WASHC4: variants seen among roughly 807,000 people sequenced by gnomAD.
WASHC4 encodes the protein WASH complex subunit 4.
Under a neutral mutation model 166.6 loss-of-function variants are expected in WASHC4, and 86 were observed. The ratio of observed to expected loss-of-function variants is 0.52; its 90% CI spans 0.43 to 0.62. The LOEUF is 0.62. Ranked by LOEUF, WASHC4 falls within the 20% of genes least tolerant of loss-of-function variation. The pLI is 0.00. For synonymous variants in WASHC4, 446 were observed against 451.6 expected, an observed-to-expected ratio of 0.99 and a Z score of 0.16; for missense variants, 1,262 against 1,382.4, an observed-to-expected ratio of 0.91 and a Z score of 1.38.
rs1882790707 is a variant in WASHC4, at chr12:105,140,954, C to A, written c.1616C>A (p.Ala539Asp). Residue 539 changes from alanine (A) to aspartate (D), a missense_variant, in exon 17 of 33, where the codon GCT becomes GAT. Ala to Asp is a moderately radical substitution (Grantham distance 126). Coordinates refer to ENST00000332180, the MANE Select transcript of WASHC4 (RefSeq NM_015275.3). Reference sequence around the variant, plus strand: ...GAACAGCGTCTTGATGTGCTCTCTGCTCTAGTTTTGGCTGAAAACACTCTA... The same window carrying A: ...GAACAGCGTCTTGATGTGCTCTCTGATCTAGTTTTGGCTGAAAACACTCTA... ...YSEQRLDVLS[A>D]LVLAENTLNG... is the part of the protein sequence containing the mutation. 3 of 1,614,080 alleles carry A rather than the reference C, an allele frequency of 1.9e-6. No homozygotes were observed. The highest frequency in any genetic ancestry group is 1.7e-6 in the Non-Finnish European group (2 of 1,179,970).
chr12:105,133,851 T>A lies in WASHC4; in HGVS notation c.1281T>A (p.Asp427Glu). ...ESILSKEQRM[D>E]KFAEDLTNRC... Reference sequence around the variant, plus strand: ...TTTTGTCTAAAGAGCAGAGAATGGATAAATTTGCTGAAGATCTCACCAATA... The same window carrying A: ...TTTTGTCTAAAGAGCAGAGAATGGAAAAATTTGCTGAAGATCTCACCAATA... Residue 427 changes from aspartate to glutamate, a missense_variant, in exon 14 of 33, where the codon GAT becomes GAA. Transcript: ENST00000332180. 1 of 1,612,022 alleles carries A rather than the reference T, an allele frequency of 6.2e-7. No individual in the cohort carries two copies. The highest frequency in any genetic ancestry group is 1.1e-5 in the South Asian group (1 of 91,044).
intron 28 of WASHC4, among the ~76,000 whole-genome samples, chr12:105,158,570 G>T (rs1021580858): frequency 5.9e-5 from 9 of 152,238 alleles, no homozygotes; most frequent in Admixed American, 5.2e-4. Context: ...TCTAGATTAG[G>T]AGAATAAAGA....
At chr12:105,163,986 G>C (rs1592925278) in intron 30 of WASHC4, 125 bp from the exon 31 acceptor site, 1 of 857,030 alleles carries the variant, frequency 1.2e-6, no homozygotes, top group Middle Eastern at 3.1e-4. Context: ...AACTTGAAAC[G>C]GGACAAACTT....
At chr12:105,152,279 A>T in intron 25 of WASHC4, 64 bp from the exon 26 acceptor site, 1 of 819,232 alleles carries the variant, frequency 1.2e-6, no homozygotes, top group Non-Finnish European at 2.2e-6. Flanking sequence ...GGCATGGTTT[A>T]TTTGGGAGGC....
chr12:105,120,686 A>G, intron 8 of WASHC4, 89 bp downstream of exon 8: 2 of 910,750 alleles, frequency 2.2e-6, no homozygotes, highest in Non-Finnish European at 3.7e-6. Context: ...TGACAGTCAT[A>G]GGAACACTCT....
chr12:105,164,437 A>G, intron 31 of WASHC4, 130 bp downstream of exon 31: 1 of 909,432 alleles, frequency 1.1e-6, no homozygotes, highest in Non-Finnish European at 1.7e-6. Context: ...TGGCAAAAAG[A>G]TTATATTTTA....
At position 105,142,052 on chromosome 12, in the gene WASHC4, T is replaced by TAAGA. The variant is rs1166308537; in HGVS notation, c.1788-400_1788-399insAGAA. 2.0e-5 allele frequency among the ~76,000 whole-genome samples: 3 copies of TAAGA among 151,418 alleles called. No individual in the cohort carries two copies. In the East Asian group the frequency reaches 5.8e-4, roughly 29 times the overall value. On this transcript the variant is annotated intron_variant, in intron 18 of 32. Coordinates refer to ENST00000332180, the MANE Select transcript of WASHC4 (RefSeq NM_015275.3). ...TTTTAAAAGATTTTTCTTTCCAACT[T>TAAGA]AGAGTCAGGGAAAATGGAGCATGTG...
intron 13 of WASHC4, among the ~76,000 whole-genome samples, chr12:105,131,177 C>T (rs1318097313): frequency 6.6e-6 from 1 of 150,770 alleles, no homozygotes; most frequent in East Asian, 1.9e-4. Context: ...AGCTCCGCTT[C>T]CCGGGTTCAC....
chr12:105,165,546 C>G (rs981074334), intron 32 of WASHC4, among the ~76,000 whole-genome samples: 4 of 152,008 alleles, frequency 2.6e-5, no homozygotes, highest in African/African-American at 7.2e-5. Flanking sequence ...TACTAGTCTC[C>G]TTTTTGTCTT....
At chr12:105,132,294 C>G (rs1881904624) in intron 13 of WASHC4, among the ~76,000 whole-genome samples, 2 of 152,188 alleles carry the variant, frequency 1.3e-5, no homozygotes, top group African/African-American at 2.4e-5. Context: ...GCCTCAGCCT[C>G]CGGAGTAGCT....
chr12:105,140,959 G>C lies in WASHC4; in HGVS notation c.1621G>C (p.Val541Leu), dbSNP rs770143665. 26 of 1,614,024 alleles carry C rather than the reference G, an allele frequency of 1.6e-5. No homozygotes were observed. Among genetic ancestry groups the C allele is most frequent in the Non-Finnish European group, 2.1e-5 (25 of 1,180,022 alleles). Residue 541 changes from valine to leucine, a missense_variant, in exon 17 of 33, where the codon GTT becomes CTT. Coordinates refer to ENST00000332180, the MANE Select transcript of WASHC4 (RefSeq NM_015275.3). The part of the protein sequence containing the change: ...EQRLDVLSAL[V>L]LAENTLNGPS... ...GCGTCTTGATGTGCTCTCTGCTCTA[G>C]TTTTGGCTGAAAACACTCTAAATGG...
At chr12:105,143,967 AAC>A (rs1161056150) in intron 20 of WASHC4, among the ~76,000 whole-genome samples, 1 of 149,122 alleles carries the variant, frequency 6.7e-6, no homozygotes. Flanking sequence ...TTTTTTTTTT[AAC>A]AGTTATTACA....
intron 25 of WASHC4, among the ~76,000 whole-genome samples, chr12:105,151,832 T>G (rs547735057): frequency 2.6e-5 from 4 of 152,356 alleles, no homozygotes; most frequent in African/African-American, 9.6e-5. Flanking sequence ...TAAATATTCA[T>G]GCTATTATGT....
chr12:105,144,021 T>G (rs1342603569), intron 20 of WASHC4, among the ~76,000 whole-genome samples: 1 of 151,922 alleles, frequency 6.6e-6, no homozygotes, highest in Admixed American at 6.6e-5. Context: ...TCTCATGCCC[T>G]TTCCTCCTTT....
At chr12:105,151,118 CTGAG>C (rs1351494797) in intron 25 of WASHC4, among the ~76,000 whole-genome samples, 3 of 136,754 alleles carry the variant, frequency 2.2e-5, no homozygotes, top group African/African-American at 8.3e-5. Context: ...GCTCTCCAGC[CTGAG>C]TGACAAGAGC....
chr12:105,153,541 G>A (rs530224861), intron 26 of WASHC4, among the ~76,000 whole-genome samples: 14 of 152,088 alleles, frequency 9.2e-5, no homozygotes, highest in South Asian at 2.1e-4. Flanking sequence ...AATATTAAGC[G>A]GCAAACTTAT....
rs1458704376 is a variant in WASHC4 at position 105,164,122 on chromosome 12, A to C, written c.3169A>C (p.Ile1057Leu). 1.9e-6 allele frequency: 3 copies of C among 1,614,066 alleles called. No homozygotes were observed. The highest frequency in any genetic ancestry group is 2.5e-6 in the Non-Finnish European group (3 of 1,180,008). ...GCTTATGCCTGCAGGTGTGGCTTAC[A>C]TTCTAAAGCTTTTGGATCAGTATCG... ...DDGFAMGVAY[I>L]LKLLDQYREF... Residue 1057 changes from isoleucine to leucine, a missense_variant, in exon 31 of 33, where the codon ATT becomes CTT. By Grantham distance (5) the Ile-to-Leu change is conservative (BLOSUM62 2). Coordinates refer to ENST00000332180, the MANE Select transcript of WASHC4 (RefSeq NM_015275.3).
In WASHC4 at chr12:105,120,271, T is replaced by C. The variant is rs77635510; in HGVS notation, c.519-284T>C. 4.7e-3 allele frequency among the ~76,000 whole-genome samples: 716 copies of C among 152,334 alleles called. 7 individuals carry two copies. The highest frequency in any genetic ancestry group is 0.016 in the African/African-American group (658 of 41,574). ...GTTATTCATAGGTCACCTATCATCATAGCCCTACCCATGAGTGGGATATAG... is the reference window on the plus strand; with the variant it reads ...GTTATTCATAGGTCACCTATCATCACAGCCCTACCCATGAGTGGGATATAG... On this transcript the variant is annotated intron_variant, in intron 7 of 32. Coordinates refer to ENST00000332180, the MANE Select transcript of WASHC4 (RefSeq NM_015275.3).
chr12:105,136,259 G>C (rs926996558), intron 14 of WASHC4, among the ~76,000 whole-genome samples: 3 of 152,128 alleles, frequency 2.0e-5, no homozygotes, highest in African/African-American at 7.2e-5. Context: ...GTTGTTGAAA[G>C]GTATGTTTGG....
Sources: gnomAD v4.1 joint callset for allele counts (sites outside exome capture counted in the v4.1 genomes callset) on GRCh38, gnomAD v4.1.1 for gene constraint, MANE v1.5 for transcripts, NCBI Gene and HGNC (gene_info 2026-07-23, HGNC 2026-07-21) for gene names.